AP1G1: variants seen among roughly 807,000 people sequenced by gnomAD.
AP1G1 encodes the protein AP-1 complex subunit gamma-1.
Under a neutral mutation model 108.3 loss-of-function variants are expected in AP1G1, and 7 were observed. That is an observed-to-expected ratio of 0.06 (90% CI 0.04 to 0.12). The LOEUF (loss-of-function observed/expected upper bound fraction) is 0.12, where lower values mean the gene tolerates loss of function less well. Ranked by LOEUF, AP1G1 falls within the 10% of genes least tolerant of loss-of-function variation. The pLI is 1.00. For synonymous variants in AP1G1, 379 were observed against 353.5 expected, an observed-to-expected ratio of 1.07 and a Z score of -0.81; for missense variants, 756 against 1,010.7, an observed-to-expected ratio of 0.75 and a Z score of 3.42.
At chr16:71,775,759 G>A (rs1430979526) in intron 2 of AP1G1, among the ~76,000 whole-genome samples, 2 of 152,190 alleles carry the variant, frequency 1.3e-5, no homozygotes, top group African/African-American at 2.4e-5. Flanking sequence ...GGGAGAGGGC[G>A]AGGGTTTAGG....
In AP1G1 at chr16:71,777,239, C is replaced by A. The variant is rs757415960; in HGVS notation, c.202-2647G>T. On this transcript the variant is annotated intron_variant, in intron 2 of 22. Coordinates refer to ENST00000299980, the MANE Select transcript of AP1G1 (RefSeq NM_001128.6). ...TAGAGGAGGGGATCTGAGGGAGATC[C>A]CAGGCAGGATAGGGATGAGGCAGGA... Among the ~76,000 whole-genome samples the A allele has an allele frequency of 2.0e-5, 3 of 150,822 alleles. No homozygotes were observed. The South Asian group carries it at 6.3e-4, about 32-fold the overall frequency.
chr16:71,738,996 G>A lies in AP1G1; in HGVS notation c.2214C>T (p.Ser738=). Residue 738 remains serine (S), a synonymous_variant, in exon 21 of 23, where the codon TCC becomes TCT. Coordinates refer to ENST00000299980, the MANE Select transcript of AP1G1 (RefSeq NM_001128.6). ...CCGTCATATCTAGCTCTGTGCTGTT[G>A]GAGGCCTGTATCGTTATCACTGTTA... ...PSVTVITIQA[S]NSTELDMTDF... is the part of the protein sequence containing the mutation. The A allele has an allele frequency of 6.2e-7, 1 of 1,614,108 alleles. No individual in the cohort carries two copies. Among genetic ancestry groups the A allele is most frequent in the Non-Finnish European group, 8.5e-7 (1 of 1,180,008 alleles).
rs746960368 is a variant in AP1G1 at position 71,748,384 on chromosome 16, G to A, written c.1498-6C>T. ...AACACTTCATCCTCTGTTACCTGAGGAGGAGGAGGAAAAAGAAGACGATGA... is the reference window on the plus strand; with the variant it reads ...AACACTTCATCCTCTGTTACCTGAGAAGGAGGAGGAAAAAGAAGACGATGA... On this transcript the variant is annotated splice_region_variant and splice_polypyrimidine_tract_variant and intron_variant, in intron 15 of 22. Coordinates refer to ENST00000299980, the MANE Select transcript of AP1G1 (RefSeq NM_001128.6). 3 of 1,607,784 alleles carry A rather than the reference G, an allele frequency of 1.9e-6. No homozygotes were observed. The highest frequency in any genetic ancestry group is 2.5e-6 in the Non-Finnish European group (3 of 1,178,490).
At chr16:71,771,406 G>C (rs980993189) in intron 4 of AP1G1, among the ~76,000 whole-genome samples, 154 bp from the exon 5 acceptor site, 1 of 152,068 alleles carries the variant, frequency 6.6e-6, no homozygotes, top group Non-Finnish European at 1.5e-5. Context: ...TTTATGGCTC[G>C]ACACAGTGAT....
chr16:71,765,626 A>G (rs2145472482), intron 6 of AP1G1, 42 bp from the exon 7 acceptor site: 2 of 1,486,520 alleles, frequency 1.3e-6, no homozygotes, highest in Non-Finnish European at 1.9e-6. Flanking sequence ...TGAATATTGA[A>G]GAATGTCTCA....
At chr16:71,752,474 A>G (rs182007752) in intron 13 of AP1G1, among the ~76,000 whole-genome samples, 1 of 152,188 alleles carries the variant, frequency 6.6e-6, no homozygotes, top group African/African-American at 2.4e-5. Flanking sequence ...ACAAATACAT[A>G]TAAGTCATAA....
In AP1G1 at chr16:71,761,492, A is replaced by C; in HGVS notation, c.974+20T>G. The C allele has an allele frequency of 6.7e-7, 1 of 1,500,532 alleles. No homozygotes were observed. Among genetic ancestry groups the C allele is most frequent in the Non-Finnish European group, 9.3e-7 (1 of 1,077,696 alleles). 93.0% of individuals were successfully genotyped at this position (1,500,532 alleles called of 1,614,324 possible). ...GGGCTTATAATATCCAAGATAAAAG[A>C]CATATTTCAGTTAACTTACCTAATA... On this transcript the variant is annotated intron_variant, in intron 10 of 22. Coordinates refer to ENST00000299980, the MANE Select transcript of AP1G1 (RefSeq NM_001128.6).
chr16:71,793,227 A>T (rs996416596), intron 1 of AP1G1, among the ~76,000 whole-genome samples: 2 of 152,142 alleles, frequency 1.3e-5, no homozygotes, highest in African/African-American at 4.8e-5. Flanking sequence ...ACCTTTTTTT[A>T]AAAAGTCCGG....
chr16:71,761,816 C>CAAAAAAAAAAA (rs375647068), intron 9 of AP1G1, among the ~76,000 whole-genome samples: 3 of 44,862 alleles, frequency 6.7e-5, no homozygotes, highest in African/African-American at 1.6e-4. Flanking sequence ...GACTCCATCT[C>CAAAAAAAAAAA]AAAAAAAAAA....
chr16:71,746,544 A>G (rs747826817), intron 17 of AP1G1, 44 bp downstream of exon 17: 40 of 1,192,782 alleles, frequency 3.4e-5, no homozygotes, highest in Middle Eastern at 1.9e-4. Flanking sequence ...CAATTTAGTC[A>G]GGATGCTAAG....
chr16:71,765,065 G>T (rs2031256245), intron 7 of AP1G1, among the ~76,000 whole-genome samples: 1 of 152,194 alleles, frequency 6.6e-6, no homozygotes, highest in Admixed American at 6.5e-5. Context: ...TTGAAGTGGG[G>T]CACAGTGGCT....
chr16:71,782,610 C>T (rs1034402204), intron 2 of AP1G1, among the ~76,000 whole-genome samples: 3 of 151,932 alleles, frequency 2.0e-5, no homozygotes, highest in African/African-American at 7.3e-5. Flanking sequence ...CCTCAGTCTC[C>T]TGAGTAGCTG....
chr16:71,739,748 A>G (rs76496361), intron 19 of AP1G1, among the ~76,000 whole-genome samples: 2 of 147,172 alleles, frequency 1.4e-5, no homozygotes, highest in Non-Finnish European at 1.5e-5. Flanking sequence ...CTCTGTCGCA[A>G]AAAAAAAAAA....
intron 6 of AP1G1, among the ~76,000 whole-genome samples, chr16:71,767,054 G>T (rs541844733): frequency 6.6e-6 from 1 of 151,936 alleles, no homozygotes; most frequent in Non-Finnish European, 1.5e-5. Context: ...CTTCCCAATG[G>T]TCTGTTTTTT....
chr16:71,766,652 A>C (rs1950624133), intron 6 of AP1G1, among the ~76,000 whole-genome samples: 1 of 152,080 alleles, frequency 6.6e-6, no homozygotes, highest in Admixed American at 6.6e-5. Flanking sequence ...ATTTTTTCTC[A>C]CTATATTTAG....
rs555146033 is a variant in AP1G1, at chr16:71,758,496, T to C, written c.1088+312A>G. ...TCATCCTCCAACACACAAAGCACAG[T>C]ACCTCCACTAGGTAAACTTTTGCCT... On this transcript the variant is annotated intron_variant, in intron 11 of 22. Transcript: ENST00000299980. 8 of 547,630 alleles carry C rather than the reference T, an allele frequency of 1.5e-5. No homozygotes were observed. In the Middle Eastern group the frequency reaches 9.1e-4, roughly 62 times the overall value. The allele number at this position is 547,630 out of a possible 1,614,324, so 33.9% of individuals were successfully genotyped here.
intron 22 of AP1G1, 92 bp downstream of exon 22, chr16:71,734,517 G>C (rs2045509609): frequency 1.9e-6 from 2 of 1,054,416 alleles, no homozygotes; most frequent in Admixed American, 1.8e-5. Context: ...CTAACTATGA[G>C]TCAGAAAAAC....
chr16:71,755,647 T>G (rs10220961), intron 12 of AP1G1, among the ~76,000 whole-genome samples: 77,245 of 151,806 alleles, frequency 0.51, 19,993 homozygotes, highest in Middle Eastern at 0.65. Context: ...CCATTTTTTT[T>G]TTTTTGTTTT....
intron 13 of AP1G1, among the ~76,000 whole-genome samples, chr16:71,750,679 G>C (rs1449902597): frequency 6.6e-6 from 1 of 151,824 alleles, no homozygotes; most frequent in African/African-American, 2.4e-5. Flanking sequence ...GCCTCTCAAA[G>C]TGCTGGGATT....
Sources: allele counts gnomAD v4.1 joint callset (sites outside exome capture counted in the v4.1 genomes callset), GRCh38; gene constraint gnomAD v4.1.1; transcripts MANE v1.5; gene names NCBI Gene and HGNC (gene_info 2026-07-23, HGNC 2026-07-21).